PLXNA4: variants seen among roughly 807,000 people sequenced by gnomAD.
PLXNA4 encodes plexin-A4.
A neutral mutation model predicts 191.8 loss-of-function variants in PLXNA4; 44 were observed. That is an observed-to-expected ratio of 0.23 (90% CI 0.18 to 0.29). The LOEUF (loss-of-function observed/expected upper bound fraction) is 0.29, where lower values mean the gene tolerates loss of function less well. Ranked by LOEUF, PLXNA4 falls within the 10% of genes least tolerant of loss-of-function variation. The pLI, the probability that PLXNA4 is intolerant of heterozygous loss-of-function variation, is 1.00. For missense variants in PLXNA4, 1,800 were observed against 2,488.8 expected (o/e 0.72, Z 5.89); for synonymous variants, 1,082 against 1,009.5 (o/e 1.07, Z -1.36).
At chr7:132,323,208 G>A (rs1277183193) in intron 3 of PLXNA4, among the ~76,000 whole-genome samples, 4 of 152,156 alleles carry the variant, frequency 2.6e-5, no homozygotes. Flanking sequence ...ACCTGTACAT[G>A]TGCATTGCTG....
intron 10 of PLXNA4, among the ~76,000 whole-genome samples, chr7:132,204,235 G>A (rs992900563): frequency 1.3e-5 from 2 of 152,210 alleles, no homozygotes; most frequent in East Asian, 1.9e-4. Flanking sequence ...GGAGGTGCTG[G>A]CTTGAAGATG....
At chr7:132,196,107 G>T (rs984939345) in intron 13 of PLXNA4, among the ~76,000 whole-genome samples, 2 of 152,310 alleles carry the variant, frequency 1.3e-5, no homozygotes, top group East Asian at 3.9e-4. Context: ...TTTTCCATAA[G>T]ACCATGGGGT....
chr7:132,322,030 G>A (rs1253760563), intron 3 of PLXNA4, among the ~76,000 whole-genome samples: 2 of 152,086 alleles, frequency 1.3e-5, no homozygotes, highest in Non-Finnish European at 2.9e-5. Flanking sequence ...AAAACAAACA[G>A]TAAAAATAAA....
rs568725101 is a variant in PLXNA4, at chr7:132,520,702, C to T, written c.-86-11923G>A. Among the ~76,000 whole-genome samples, 4 of 152,322 alleles carry T rather than the reference C, an allele frequency of 2.6e-5. No homozygotes were observed. In the East Asian group the frequency reaches 7.7e-4, roughly 29 times the overall value. On this transcript the variant is annotated intron_variant, in intron 1 of 31. Transcript: ENST00000321063. ...AAACCAAGCCGAGAGTCCATACACT[C>T]AGATCCTTGGACCTCAGCATCTGTC...
chr7:132,243,310 A>G (rs1798942001), intron 4 of PLXNA4, among the ~76,000 whole-genome samples: 1 of 152,172 alleles, frequency 6.6e-6, no homozygotes, highest in Non-Finnish European at 1.5e-5. Flanking sequence ...TAAACAGAAA[A>G]TCATGCCTTG....
intron 3 of PLXNA4, among the ~76,000 whole-genome samples, chr7:132,386,451 G>T (rs535516730): frequency 7.3e-4 from 111 of 152,338 alleles, no homozygotes; most frequent in African/African-American, 2.6e-3. Flanking sequence ...GGCATGCAAG[G>T]CAGGAAGCCT....
intron 3 of PLXNA4, chr7:132,384,170 C>T (rs1393807460): frequency 6.1e-6 from 6 of 985,386 alleles, no homozygotes; most frequent in Non-Finnish European, 7.2e-6. Flanking sequence ...CTGTGGCACA[C>T]CCTAAAGAGA....
intron 2 of PLXNA4, among the ~76,000 whole-genome samples, chr7:132,627,324 C>T (rs181731733): frequency 1.3e-5 from 2 of 152,286 alleles, no homozygotes; most frequent in Admixed American, 6.5e-5. Flanking sequence ...TACACACACA[C>T]ACTTTTCCTG....
chr7:132,138,969 A>G (rs1307978539), intron 30 of PLXNA4, among the ~76,000 whole-genome samples: 2 of 152,210 alleles, frequency 1.3e-5, no homozygotes, highest in African/African-American at 4.8e-5. Context: ...CCAACAGCCC[A>G]GCTGCTGCCT....
At chr7:132,178,347 C>T (rs1796545779) in intron 20 of PLXNA4, among the ~76,000 whole-genome samples, 1 of 152,060 alleles carries the variant, frequency 6.6e-6, no homozygotes, top group Non-Finnish European at 1.5e-5. Context: ...TGGGTGGGAG[C>T]TCCCCTCGGC....
chr7:132,540,569 CTTTTTTTTTTTTTTTT>C lies in PLXNA4; in HGVS notation c.-86-31806_-86-31791del, dbSNP rs71915138. Among the ~76,000 whole-genome samples, 210 of 61,022 alleles carry C rather than the reference CTTTTTTTTTTTTTTTT, an allele frequency of 3.4e-3. 7 individuals are homozygous for C. In the East Asian group the frequency reaches 0.05, roughly 14 times the overall value. The allele number at this position is 61,022 out of a possible 152,430, so 40.0% of individuals were successfully genotyped here. A position where few individuals can be genotyped will look rare whatever the true frequency, so the allele number is the denominator to read the frequency against. ...AGCAGAAGGTGTAGTGTGGACCGTT[CTTTTTTTTTTTTTTTT>C]TTTTTTTTTTTTTGAGACGGAGTCT... On this transcript the variant is annotated intron_variant, in intron 1 of 31. Coordinates refer to ENST00000321063, the MANE Select transcript of PLXNA4 (RefSeq NM_020911.2).
At chr7:132,134,879 C>T (rs896280828) in intron 30 of PLXNA4, among the ~76,000 whole-genome samples, 3 of 152,156 alleles carry the variant, frequency 2.0e-5, no homozygotes, top group Non-Finnish European at 4.4e-5. Context: ...TTTGCTCCAT[C>T]CCCAGAAGAG....
chr7:132,434,498 C>T (rs1795394494), intron 3 of PLXNA4, among the ~76,000 whole-genome samples: 1 of 152,204 alleles, frequency 6.6e-6, no homozygotes, highest in African/African-American at 2.4e-5. Flanking sequence ...AGACACAAAC[C>T]AGTTTGTGGC....
intron 14 of PLXNA4, among the ~76,000 whole-genome samples, chr7:132,188,731 G>T (rs1427055474): frequency 6.6e-6 from 1 of 151,926 alleles, no homozygotes; most frequent in African/African-American, 2.4e-5. Context: ...AAGAGGGTGG[G>T]GTGAGGCTGT....
intron 31 of PLXNA4, among the ~76,000 whole-genome samples, chr7:132,132,435 C>CTGTTCTGTTCTGTTCTGTTCTGTTCTGTT (rs1563048117): frequency 2.6e-5 from 2 of 76,022 alleles, no homozygotes; most frequent in African/African-American, 1.0e-4. Context: ...CTGTTCTGTT[C>CTGTTCTGTTCTGTTCTGTTCTGTTCTGTT]TGTTCTGTTC....
chr7:132,233,424 T>G (rs1476550944), intron 5 of PLXNA4, among the ~76,000 whole-genome samples: 1 of 152,080 alleles, frequency 6.6e-6, no homozygotes, highest in Non-Finnish European at 1.5e-5. Flanking sequence ...AATTCTAGGA[T>G]CCAATGACTG....
chr7:132,216,725 A>T (rs1256176935), intron 9 of PLXNA4, among the ~76,000 whole-genome samples: 1 of 152,214 alleles, frequency 6.6e-6, no homozygotes, highest in Non-Finnish European at 1.5e-5. Context: ...AGATAAAGAC[A>T]CTAAGGACAC....
intron 4 of PLXNA4, among the ~76,000 whole-genome samples, chr7:132,292,172 T>C (rs1160403406): frequency 6.6e-6 from 1 of 152,198 alleles, no homozygotes; most frequent in East Asian, 1.9e-4. Flanking sequence ...ATGGATTCAT[T>C]AACTGTTTCA....
chr7:132,608,092 C>T (rs202207601), intron 2 of PLXNA4, among the ~76,000 whole-genome samples: 3 of 15,786 alleles, frequency 1.9e-4, no homozygotes, highest in African/African-American at 6.3e-4. Context: ...CACCATCATC[C>T]TCATCACTAT....
Sources: gnomAD v4.1 joint callset for allele counts (sites outside exome capture counted in the v4.1 genomes callset) on GRCh38, gnomAD v4.1.1 for gene constraint, MANE v1.5 for transcripts, NCBI Gene and HGNC (gene_info 2026-07-23, HGNC 2026-07-21) for gene names.